Variants in GPAT4 observed in about 807,000 individuals in gnomAD.
GPAT4 encodes the protein 1-AGP acyltransferase 6.
A neutral mutation model predicts 58.0 loss-of-function variants in GPAT4; 17 were observed. The observed-to-expected ratio is 0.29, with a 90% CI of 0.20 to 0.44. GPAT4 has a LOEUF of 0.44. Ranked by LOEUF, GPAT4 falls within the 20% of genes least tolerant of loss-of-function variation. GPAT4 has a pLI of 1.00. For synonymous variants in GPAT4, 204 were observed against 210.1 expected (o/e 0.97, Z 0.25); for missense variants, 377 against 574.5 (o/e 0.66, Z 3.51).
intron 1 of GPAT4, among the ~76,000 whole-genome samples, chr8:41,582,566 T>C (rs1179790247): frequency 6.6e-6 from 1 of 152,120 alleles, no homozygotes. Flanking sequence ...AGAAATATTA[T>C]ATATGCTATA....
chr8:41,578,767 C>T (rs1165213061), intron 1 of GPAT4, among the ~76,000 whole-genome samples: 3 of 152,218 alleles, frequency 2.0e-5, no homozygotes, highest in Admixed American at 6.5e-5. Flanking sequence ...GATTTCTTAA[C>T]TCCTGAAATC....
chr8:41,610,843 AC>A (rs1306562419), intron 5 of GPAT4, 33 bp downstream of exon 5: 1 of 1,570,600 alleles, frequency 6.4e-7, no homozygotes, highest in East Asian at 2.3e-5. Context: ...TGCCTGAAGG[AC>A]AGTTAGTTCT....
chr8:41,611,166 A>C (rs1170582029), intron 5 of GPAT4, among the ~76,000 whole-genome samples: 1 of 152,246 alleles, frequency 6.6e-6, no homozygotes, highest in Non-Finnish European at 1.5e-5. Flanking sequence ...CAGAGGTTGC[A>C]GTGAGCCAAC....
chr8:41,585,965 G>T, intron 1 of GPAT4, among the ~76,000 whole-genome samples: 1 of 152,170 alleles, frequency 6.6e-6, no homozygotes, highest in East Asian at 1.9e-4. Flanking sequence ...TTTAAAAATA[G>T]CTTTATTGAG....
At chr8:41,598,032 G>A (rs556202552) in intron 1 of GPAT4, among the ~76,000 whole-genome samples, 5 of 152,312 alleles carry the variant, frequency 3.3e-5, no homozygotes, top group African/African-American at 1.2e-4. Context: ...TTATATACAT[G>A]TATTTTATAT....
chr8:41,591,078 G>C (rs2150485815), intron 1 of GPAT4, among the ~76,000 whole-genome samples: 1 of 152,240 alleles, frequency 6.6e-6, no homozygotes, highest in South Asian at 2.1e-4. Flanking sequence ...TCCCTTTTAA[G>C]GGCTTACAAC....
chr8:41,603,926 G>GAATGAATGC (rs1803179450), intron 2 of GPAT4, among the ~76,000 whole-genome samples: 1 of 100,274 alleles, frequency 1.0e-5, no homozygotes, highest in Non-Finnish European at 2.4e-5. Context: ...TGAATGAATG[G>GAATGAATGC]TGTATTCACG....
chr8:41,601,672 C>T (rs1339168766), intron 2 of GPAT4, among the ~76,000 whole-genome samples: 1 of 152,200 alleles, frequency 6.6e-6, no homozygotes, highest in Non-Finnish European at 1.5e-5. Flanking sequence ...TAAAATTTCA[C>T]TTGGATGACT....
intron 12 of GPAT4, 78 bp downstream of exon 12, chr8:41,619,055 C>A: frequency 6.6e-7 from 1 of 1,523,642 alleles, no homozygotes; most frequent in Non-Finnish European, 9.1e-7. Context: ...CATGTCATTC[C>A]CCGTGGTGTG....
chr8:41,604,057 T>G (rs373006650), intron 2 of GPAT4, among the ~76,000 whole-genome samples: 114 of 151,242 alleles, frequency 7.5e-4, no homozygotes, highest in African/African-American at 2.7e-3. Context: ...TTTTTTTGCC[T>G]TCTTCCTTTC....
chr8:41,617,082 C>T (rs537861935), intron 10 of GPAT4, among the ~76,000 whole-genome samples: 1 of 152,314 alleles, frequency 6.6e-6, no homozygotes. Context: ...AACGACATGA[C>T]CAGATGCAGT....
Position 41,618,707 on chromosome 8 carries a change from C to G in GPAT4, c.1077C>G (p.Ala359=). Residue 359 remains alanine (A), a synonymous_variant, in exon 11 of 13, where the codon GCC becomes GCG. Coordinates refer to ENST00000396987, the MANE Select transcript of GPAT4 (RefSeq NM_178819.4). ...AGTATGACCCTCAATTTGGCGATGC[C>G]TTCTGGAACAGCAGCAAATACGGGA... ...AIKYDPQFGD[A]FWNSSKYGMV... The G allele has an allele frequency of 6.2e-7, 1 of 1,614,178 alleles. No individual in the cohort carries two copies. The highest frequency in any genetic ancestry group is 8.5e-7 in the Non-Finnish European group (1 of 1,180,032).
In GPAT4 at chr8:41,603,479, T is replaced by C. The variant is rs1030286173; in HGVS notation, c.165+4175T>C. On this transcript the variant is annotated intron_variant, in intron 2 of 12. Coordinates refer to ENST00000396987, the MANE Select transcript of GPAT4 (RefSeq NM_178819.4). ...AGGTGGAGGTTGCAGTGTACGGAGA[T>C]CCCGCCACTGCACTCCAGCCTGGGT... 6.4e-5 allele frequency among the ~76,000 whole-genome samples: 8 copies of C among 125,048 alleles called. No homozygotes were observed. The Admixed American group carries it at 8.1e-4, about 13-fold the overall frequency. 82.0% of individuals were successfully genotyped at this position (125,048 alleles called of 152,430 possible).
chr8:41,585,457 A>G (rs75911341), intron 1 of GPAT4, among the ~76,000 whole-genome samples: 20,371 of 152,190 alleles, frequency 0.13, 1,690 homozygotes, highest in Middle Eastern at 0.23. Context: ...TTGGGCTAGA[A>G]TTCTGAAAGA....
At position 41,595,901 on chromosome 8, in the gene GPAT4, C is replaced by G. The variant is rs1466711261; in HGVS notation, c.-848-2391C>G. Reference sequence around the variant, plus strand: ...TGCCAGCCACTTATGCTGCTGTTCTCTCAACCACTGTGGCGGGGCAGGGGT... The same window carrying G: ...TGCCAGCCACTTATGCTGCTGTTCTGTCAACCACTGTGGCGGGGCAGGGGT... On this transcript the variant is annotated intron_variant, in intron 1 of 12. Coordinates refer to ENST00000396987, the MANE Select transcript of GPAT4 (RefSeq NM_178819.4). Among the ~76,000 whole-genome samples the G allele has an allele frequency of 3.9e-5, 6 of 152,170 alleles. No homozygotes were observed. In the East Asian group the frequency reaches 1.2e-3, roughly 30 times the overall value.
At chr8:41,591,521 G>A (rs755563377) in intron 1 of GPAT4, among the ~76,000 whole-genome samples, 4 of 152,202 alleles carry the variant, frequency 2.6e-5, no homozygotes, top group South Asian at 2.1e-4. Context: ...AAGACAGATC[G>A]ATAGTGATTC....
At chr8:41,596,536 C>T (rs1166154795) in intron 1 of GPAT4, among the ~76,000 whole-genome samples, 1 of 152,254 alleles carries the variant, frequency 6.6e-6, no homozygotes, top group Non-Finnish European at 1.5e-5. Context: ...AGTGCCAGTT[C>T]CTTCCCGGTG....
chr8:41,600,036 C>CTTTTTTT (rs758905649), intron 2 of GPAT4, among the ~76,000 whole-genome samples: 4,660 of 99,914 alleles, frequency 0.047, 472 homozygotes, highest in African/African-American at 0.065. Context: ...TTTTTCTTTT[C>CTTTTTTT]TTTTTTTTTT....
At chr8:41,585,879 A>G (rs1284672545) in intron 1 of GPAT4, among the ~76,000 whole-genome samples, 1 of 152,218 alleles carries the variant, frequency 6.6e-6, no homozygotes, top group Non-Finnish European at 1.5e-5. Context: ...TGTATCTGCC[A>G]CTCTGCAGAA....
Sources: allele counts gnomAD v4.1 joint callset (sites outside exome capture counted in the v4.1 genomes callset), GRCh38; gene constraint gnomAD v4.1.1; transcripts MANE v1.5; gene names NCBI Gene and HGNC (gene_info 2026-07-23, HGNC 2026-07-21).